TENT5D: variants seen among roughly 807,000 people sequenced by gnomAD.
TENT5D encodes terminal nucleotidyltransferase 5D, also known as cancer/testis antigen 112.
For missense variants in TENT5D, 191 were observed against 287.0 expected, an observed-to-expected ratio of 0.67 and a Z score of 2.42; for synonymous variants, 103 against 100.6, an observed-to-expected ratio of 1.02 and a Z score of -0.15.
intron 3 of TENT5D, among the ~76,000 whole-genome samples, chrX:80,355,278 T>G (rs775409482): frequency 2.7e-5 from 3 of 111,707 alleles, no homozygotes; most frequent in African/African-American, 9.7e-5. Flanking sequence ...GCACTTTGAC[T>G]GGGCAGCTGA....
chrX:80,420,034 A>AT (rs1185332383), upstream of TENT5D, among the ~76,000 whole-genome samples: 2 of 111,722 alleles, frequency 1.8e-5, no homozygotes, highest in African/African-American at 6.5e-5. Context: ...TTGTTTAAGA[A>AT]TTTTTTTTAA....
exon 3 of TENT5D, chrX:80,444,175 C>G (rs1480291486): frequency 8.0e-6 from 1 of 125,051 alleles, no homozygotes; most frequent in Non-Finnish European, 1.8e-5. Context: ...ACAATACCAT[C>G]AATAAATGTT....
intron 2 of TENT5D, among the ~76,000 whole-genome samples, chrX:80,338,618 G>A (rs1929898591): frequency 8.9e-6 from 1 of 112,301 alleles, no homozygotes. Context: ...AAGATTCTAA[G>A]CCACTTAATT....
exon 3 of TENT5D, chrX:80,342,548 A>C (rs1197165786): frequency 1.8e-5 from 2 of 112,370 alleles, no homozygotes; most frequent in Non-Finnish European, 3.8e-5. Flanking sequence ...ATCTAACTGG[A>C]GTTTCACTAG....
intron 3 of TENT5D, among the ~76,000 whole-genome samples, chrX:80,362,738 A>G (rs1930434567): frequency 9.0e-6 from 1 of 111,522 alleles, no homozygotes; most frequent in Non-Finnish European, 1.9e-5. Context: ...CTTCCCTCTA[A>G]TGGGACTCTA....
chrX:80,345,767 T>G (rs1395210352), intron 3 of TENT5D, among the ~76,000 whole-genome samples: 1 of 111,798 alleles, frequency 8.9e-6, no homozygotes, highest in Non-Finnish European at 1.9e-5. Flanking sequence ...CCAGCTTAGC[T>G]TCTCCTCTTT....
At chrX:80,379,059 A>G (rs1272977277) in intron 3 of TENT5D, among the ~76,000 whole-genome samples, 3 of 105,029 alleles carry the variant, frequency 2.9e-5, no homozygotes, top group African/African-American at 1.1e-4. Context: ...TTAGTTTATT[A>G]AGAGTTTTTA....
chrX:80,400,000 A>G (rs746451312), intron 3 of TENT5D, among the ~76,000 whole-genome samples: 5 of 111,317 alleles, frequency 4.5e-5, no homozygotes, highest in Non-Finnish European at 7.5e-5. Flanking sequence ...GGCTCAGATG[A>G]TTAAAGTGGC....
chrX:80,414,505 G>T (rs983602298), intron 3 of TENT5D, among the ~76,000 whole-genome samples: 1 of 111,973 alleles, frequency 8.9e-6, no homozygotes, highest in Non-Finnish European at 1.9e-5. Context: ...GCCCAAGGTG[G>T]TCAGGCGTAC....
chrX:80,416,100 CT>C (rs369668058), upstream of TENT5D, among the ~76,000 whole-genome samples: 16 of 102,665 alleles, frequency 1.6e-4, no homozygotes, highest in African/African-American at 1.8e-4. Flanking sequence ...AGGTTTTTTT[CT>C]TTTTTTTTTG....
chrX:80,389,779 G>A (rs748777996), intron 3 of TENT5D, among the ~76,000 whole-genome samples: 3 of 112,121 alleles, frequency 2.7e-5, no homozygotes, highest in Non-Finnish European at 3.8e-5. Context: ...GTGGAGTGAT[G>A]TGAAGAAATA....
At chrX:80,394,613 C>T (rs1931207207) in intron 3 of TENT5D, among the ~76,000 whole-genome samples, 1 of 109,759 alleles carries the variant, frequency 9.1e-6, no homozygotes, top group African/African-American at 3.3e-5. Context: ...AGGCCGGTCT[C>T]GAACTCCCAA....
At chrX:80,375,761 A>G (rs1930712180) in intron 3 of TENT5D, among the ~76,000 whole-genome samples, 2 of 111,771 alleles carry the variant, frequency 1.8e-5, no homozygotes, top group Admixed American at 1.9e-4. Flanking sequence ...CTTAACAAAA[A>G]GCAGAAACCT....
chrX:80,444,370 A>G (rs1282158422), exon 3 of TENT5D: 1 of 122,568 alleles, frequency 8.2e-6, no homozygotes, highest in Admixed American at 9.7e-5. Flanking sequence ...TTTGTCATCT[A>G]TATAATAAAA....
intron 3 of TENT5D, among the ~76,000 whole-genome samples, chrX:80,357,213 A>G (rs1375793111): frequency 8.9e-6 from 1 of 111,942 alleles, no homozygotes; most frequent in Non-Finnish European, 1.9e-5. Context: ...ATAGCACTGC[A>G]ATAAACATAC....
At chrX:80,441,227 T>C (rs1425663506) in intron 2 of TENT5D, among the ~76,000 whole-genome samples, 1 of 111,208 alleles carries the variant, frequency 9.0e-6, no homozygotes, top group East Asian at 2.8e-4. Flanking sequence ...ATATTCAGTC[T>C]GTAGTTCATA....
At chrX:80,379,894 T>C (rs1046413602) in intron 3 of TENT5D, among the ~76,000 whole-genome samples, 1 of 108,874 alleles carries the variant, frequency 9.2e-6, no homozygotes, top group African/African-American at 3.3e-5. Context: ...TTTGTTGATC[T>C]TTTCAAAAAA....
At chrX:80,380,180 A>G (rs1357798751) in intron 3 of TENT5D, among the ~76,000 whole-genome samples, 1 of 109,631 alleles carries the variant, frequency 9.1e-6, no homozygotes, top group Non-Finnish European at 1.9e-5. Context: ...ATTGGTTTCA[A>G]AGAACATCTT....
intron 3 of TENT5D, among the ~76,000 whole-genome samples, chrX:80,381,029 A>G (rs1181805066): frequency 2.7e-5 from 3 of 111,734 alleles, no homozygotes; most frequent in Non-Finnish European, 3.8e-5. Context: ...TTTGCCCGTT[A>G]GTTGATGCAG....
Sources: gnomAD v4.1 joint callset for allele counts (sites outside exome capture counted in the v4.1 genomes callset) on GRCh38, gnomAD v4.1.1 for gene constraint, MANE v1.5 for transcripts, NCBI Gene and HGNC (gene_info 2026-07-23, HGNC 2026-07-21) for gene names.